A2ML1: variants seen among roughly 807,000 people sequenced by gnomAD.
A2ML1 encodes alpha-2-macroglobulin-like protein 1.
A neutral mutation model predicts 181.9 loss-of-function variants in A2ML1; 161 were observed. The ratio of observed to expected loss-of-function variants is 0.89; its 90% CI spans 0.78 to 1.01. The LOEUF is 1.01. Among genes scored for constraint, A2ML1 ranks in the 50% least tolerant of loss-of-function variants. The pLI is 0.00. For synonymous variants in A2ML1, 663 were observed against 666.8 expected, an observed-to-expected ratio of 0.99 and a Z score of 0.09; for missense variants, 1,670 against 1,768.1, an observed-to-expected ratio of 0.94 and a Z score of 1.00.
chr12:8,886,796 AC>A (rs1274770285), exon 8 of A2ML1: 1 of 151,916 alleles, frequency 6.6e-6, no homozygotes, highest in Non-Finnish European at 1.5e-5. Context: ...CTTGATTACC[AC>A]TTTAAAGGCC....
chr12:8,857,260 T>C lies in A2ML1; in HGVS notation c.2945T>C (p.Ile982Thr), dbSNP rs759983928. 8.1e-5 allele frequency: 130 copies of C among 1,613,594 alleles called. No individual in the cohort carries two copies. The highest frequency in any genetic ancestry group is 1.1e-4 in the Non-Finnish European group (127 of 1,180,010). ...EQNMVLFAPI[I>T]YVLQYLEKAG... ...AACATGGTCTTGTTTGCTCCCATCA[T>C]CTATGTCTTGCAGTACCTGGAGAAG... Residue 982 changes from isoleucine (I) to threonine (T), a missense_variant, in exon 24 of 36, where the codon ATC (isoleucine) becomes ACC (threonine). Transcript: ENST00000299698.
chr12:8,834,301 T>C (rs772313116), intron 4 of A2ML1, among the ~76,000 whole-genome samples: 3 of 152,348 alleles, frequency 2.0e-5, no homozygotes, highest in African/African-American at 7.2e-5. Flanking sequence ...AGAAGAGGTT[T>C]AAACATTGAG....
chr12:8,851,740 C>A (rs1301181417), intron 18 of A2ML1, 44 bp from the exon 19 acceptor site: 2 of 1,586,196 alleles, frequency 1.3e-6, no homozygotes, highest in Non-Finnish European at 1.7e-6. Flanking sequence ...GTTCTCCTTG[C>A]CCCACGCTAC....
downstream of A2ML1, among the ~76,000 whole-genome samples, chr12:8,881,664 T>C (rs1186296628): frequency 6.6e-6 from 1 of 152,192 alleles, no homozygotes; most frequent in East Asian, 1.9e-4. Flanking sequence ...GATGGTGCCA[T>C]CCATGCAGGT....
chr12:8,854,737 T>A (rs772952191), intron 21 of A2ML1, 43 bp from the exon 22 acceptor site: 1 of 1,608,096 alleles, frequency 6.2e-7, no homozygotes, highest in Admixed American at 1.7e-5. Flanking sequence ...TCCCTCCTGA[T>A]GTTCATCTTT....
chr12:8,878,761 G>A (rs960479545), downstream of A2ML1, among the ~76,000 whole-genome samples: 4 of 152,026 alleles, frequency 2.6e-5, no homozygotes. This position sits in a 1 kb window ranked among gnomAD's most constrained non-coding sequence, Gnocchi z 4.4. Flanking sequence ...CTCTGAGTTC[G>A]AGATCAACCT....
intron 18 of A2ML1, 147 bp downstream of exon 18, chr12:8,850,421 C>T: frequency 2.1e-6 from 1 of 473,898 alleles, no homozygotes; most frequent in Non-Finnish European, 3.6e-6. Flanking sequence ...TCTGTCTCTA[C>T]AAAAGAAATT....
Position 8,835,642 on chromosome 12 carries a change from G to T in A2ML1, c.619G>T (p.Gly207Cys), listed in dbSNP as rs11047499. 1.1e-4 allele frequency: 179 copies of T among 1,614,088 alleles called. No individual in the cohort carries two copies. The African/African-American group carries it at 2.2e-3, about 20-fold the overall frequency. Residue 207 changes from glycine to cysteine, a missense_variant, in exon 6 of 36, where the codon GGT (glycine) becomes TGT (cysteine). By Grantham distance (159) the Gly-to-Cys change is radical. Transcript: ENST00000299698. Reference protein sequence around the residue: ...TVAVAEGKTFGTFSVEEYVLP... With the variant: ...TVAVAEGKTFCTFSVEEYVLP... ...GGCAGTGGCTGAGGGCAAGACCTTT[G>T]GTACTTTCAGTGTGGAGGAATATGG...
intron 33 of A2ML1, among the ~76,000 whole-genome samples, chr12:8,872,798 A>AAAG (rs1491347524): frequency 7.2e-6 from 1 of 139,316 alleles, no homozygotes; most frequent in African/African-American, 3.4e-5. Flanking sequence ...AAAAAAAAAA[A>AAAG]GAAAAAGAAA....
At chr12:8,858,374 G>A (rs1009579837) in intron 26 of A2ML1, 1 of 295,084 alleles carries the variant, frequency 3.4e-6, no homozygotes, top group Non-Finnish European at 6.3e-6. Context: ...TTTGGGCCCA[G>A]GAGTTTGAGA....
rs1295106241 is a variant in A2ML1 at position 8,869,181 on chromosome 12, C to T, written c.4199C>T (p.Thr1400Ile). The T allele has an allele frequency of 1.2e-6, 2 of 1,613,962 alleles. No homozygotes were observed. Among genetic ancestry groups the T allele is most frequent in the East Asian group, 2.2e-5 (1 of 44,886 alleles). ...LVKKVEFGTDTLNIYLDELIK... is the reference protein window; with the variant it reads ...LVKKVEFGTDILNIYLDELIK... ...AAGAAGGTTGAATTTGGAACTGACA[C>T]ACTTAACATTTACTTGGATGAGGTA... Residue 1400 changes from threonine (T) to isoleucine (I), a missense_variant, in exon 33 of 36, where the codon ACA becomes ATA. Physicochemically the swap from Thr to Ile is moderately conservative, Grantham distance 89 (BLOSUM62 -1). Transcript: ENST00000299698.
chr12:8,824,416 C>G lies in A2ML1; in HGVS notation c.409+534C>G, dbSNP rs147417180. ...GGGGTAGATGAGATATTTTTATACA[C>G]ACACACAATGTGTAATCATTACATC... On this transcript the variant is annotated intron_variant, in intron 3 of 35. Coordinates refer to ENST00000299698, the MANE Select transcript of A2ML1 (RefSeq NM_144670.6). Among the ~76,000 whole-genome samples, 328 of 151,726 alleles carry G rather than the reference C, an allele frequency of 2.2e-3. 2 individuals carry two copies. Among genetic ancestry groups the G allele is most frequent in the African/African-American group, 7.8e-3 (322 of 41,314 alleles).
chr12:8,853,621 G>A (rs930900474), intron 20 of A2ML1, among the ~76,000 whole-genome samples: 7 of 152,156 alleles, frequency 4.6e-5, no homozygotes, highest in Admixed American at 1.3e-4. Context: ...CTTACAGGCT[G>A]CTAGACTGAA....
Position 8,852,982 on chromosome 12 carries a change from C to A in A2ML1, c.2590+646C>A, listed in dbSNP as rs754151873. On this transcript the variant is annotated intron_variant, in intron 20 of 35. Transcript: ENST00000299698. The surrounding 1 kb of genome is among the most constrained non-coding windows in gnomAD (Gnocchi z 4.2). ...AAGTGCTGGGATTACAGGCGTGAGC[C>A]GCTGCGCCTGGCCTTTTATTTTTTT... 6.6e-6 allele frequency among the ~76,000 whole-genome samples: 1 copy of A among 152,152 alleles called. No individual in the cohort carries two copies.
chr12:8,881,808 G>A (rs761275783), intron 7 of A2ML1, among the ~76,000 whole-genome samples: 31 of 152,106 alleles, frequency 2.0e-4, no homozygotes, highest in East Asian at 7.8e-4. Flanking sequence ...TCAGGAGATC[G>A]AGACCATCCT....
At chr12:8,861,362 C>T (rs1944258135) in intron 28 of A2ML1, 65 bp downstream of exon 28, 7 of 1,547,230 alleles carry the variant, frequency 4.5e-6, no homozygotes, top group South Asian at 3.5e-5. Flanking sequence ...TCTATAATCT[C>T]CCTAGTAACC....
At chr12:8,869,711 T>C (rs890785659) in intron 33 of A2ML1, among the ~76,000 whole-genome samples, 2 of 152,150 alleles carry the variant, frequency 1.3e-5, no homozygotes, top group African/African-American at 4.8e-5. Context: ...TATGTTATAG[T>C]GGTTAATAGC....
chr12:8,826,736 A>G, intron 3 of A2ML1, among the ~76,000 whole-genome samples: 1 of 152,144 alleles, frequency 6.6e-6, no homozygotes, highest in East Asian at 1.9e-4. Context: ...CTCCTGCCTC[A>G]GCCTCCCGAG....
intron 3 of A2ML1, among the ~76,000 whole-genome samples, chr12:8,826,617 TTTG>T (rs1369114334): frequency 6.6e-6 from 1 of 151,964 alleles, no homozygotes; most frequent in Non-Finnish European, 1.5e-5. Context: ...CCAGCTAATT[TTTG>T]TTTTTGTTTT....
Sources: allele counts gnomAD v4.1 joint callset (sites outside exome capture counted in the v4.1 genomes callset), GRCh38; gene constraint gnomAD v4.1.1; non-coding constraint Gnocchi (gnomAD v3.1); transcripts MANE v1.5; gene names NCBI Gene and HGNC (gene_info 2026-07-23, HGNC 2026-07-21).